The following TMEM44 variants were observed in gnomAD, a reference collection of about 807,000 sequenced individuals.
TMEM44 encodes the protein transmembrane protein 44.
TMEM44 carries 43 observed loss-of-function variants against 47.8 expected under a neutral mutation model. The observed-to-expected ratio is 0.90, with a 90% confidence interval of 0.70 to 1.16. TMEM44 has a LOEUF of 1.16. Among genes scored for constraint, TMEM44 ranks in the 50% most tolerant of loss-of-function variants. The pLI is 0.00. For missense variants in TMEM44, 568 were observed against 555.2 expected, an observed-to-expected ratio of 1.02 and a Z score of -0.23; for synonymous variants, 277 against 238.8, an observed-to-expected ratio of 1.16 and a Z score of -1.48.
At chr3:194,630,086 C>A (rs1405497177) in intron 1 of TMEM44, among the ~76,000 whole-genome samples, 7 of 105,746 alleles carry the variant, frequency 6.6e-5, no homozygotes, top group Non-Finnish European at 1.1e-4. Flanking sequence ...ACCTGCCTCC[C>A]GAAGGGGCTG....
At chr3:194,617,853 G>C (rs76423194) in intron 5 of TMEM44, 2 of 651,934 alleles carry the variant, frequency 3.1e-6, no homozygotes, top group African/African-American at 1.8e-5. Flanking sequence ...CTGTCCTCAC[G>C]ACAGTGAGTG....
chr3:194,629,544 T>C (rs931511500), intron 1 of TMEM44, among the ~76,000 whole-genome samples: 4 of 151,898 alleles, frequency 2.6e-5, no homozygotes, highest in Non-Finnish European at 4.4e-5. Flanking sequence ...TCTATCGGCG[T>C]CACTGATAGG....
intron 6 of TMEM44, 40 bp downstream of exon 6, chr3:194,617,059 T>G: frequency 6.9e-7 from 1 of 1,450,080 alleles, no homozygotes; most frequent in Non-Finnish European, 9.1e-7. Flanking sequence ...AGGCCTCCTC[T>G]GGCTGCAAGC....
chr3:194,595,629 T>TAA (rs60023102), intron 9 of TMEM44, among the ~76,000 whole-genome samples: 46 of 145,522 alleles, frequency 3.2e-4, no homozygotes, highest in African/African-American at 1.1e-3. Context: ...ATTCTCTATT[T>TAA]TTTTTTTTTT....
Position 194,623,583 on chromosome 3 carries a change from C to T in TMEM44, c.471G>A (p.Lys157=), listed in dbSNP as rs921167385. The T allele has an allele frequency of 1.2e-6, 2 of 1,611,256 alleles. No homozygotes were observed. Among genetic ancestry groups the T allele is most frequent in the African/African-American group, 1.3e-5 (1 of 75,042 alleles). ...GTGGCCCCCGGATGGTGGCTGAAGC[C>T]TTCGGGACAGCAACCCACAGAGCCC... ...PCWALWVAVP[K]ASATIRGPQR... The change falls in exon 4 of 10, where the codon AAG becomes AAA. Residue 157 remains lysine (K), a synonymous_variant. Transcript: ENST00000347147.
chr3:194,595,048 G>A (rs995912274), intron 9 of TMEM44, among the ~76,000 whole-genome samples: 17 of 152,230 alleles, frequency 1.1e-4, no homozygotes, highest in African/African-American at 4.1e-4. Flanking sequence ...TGTTTCAAGA[G>A]CAAATGTGTT....
chr3:194,631,141 T>C (rs1004945769), intron 1 of TMEM44, among the ~76,000 whole-genome samples: 3 of 151,528 alleles, frequency 2.0e-5, no homozygotes, highest in African/African-American at 7.3e-5. Context: ...AAATACGTTG[T>C]CATACCTGCC....
intron 9 of TMEM44, among the ~76,000 whole-genome samples, chr3:194,598,981 G>A (rs1252171583): frequency 1.3e-5 from 2 of 152,228 alleles, no homozygotes; most frequent in Non-Finnish European, 2.9e-5. Context: ...GACAACGGGA[G>A]GTGGCTGAGG....
intron 1 of TMEM44, among the ~76,000 whole-genome samples, chr3:194,631,155 C>T (rs977029447): frequency 2.7e-5 from 4 of 148,592 alleles, no homozygotes; most frequent in Non-Finnish European, 5.9e-5. Flanking sequence ...ACCTGCCTCC[C>T]GAAGGGGCTG....
chr3:194,626,785 G>A (rs1705979), intron 2 of TMEM44, among the ~76,000 whole-genome samples: 118,318 of 149,094 alleles, frequency 0.79, 47,216 homozygotes, highest in East Asian at 0.97. Context: ...CTGGGTTCAC[G>A]CCATTCTCCT....
chr3:194,632,015 A>AAT (rs1717875208), intron 1 of TMEM44, among the ~76,000 whole-genome samples: 1 of 152,206 alleles, frequency 6.6e-6, no homozygotes, highest in Non-Finnish European at 1.5e-5. Context: ...TGATCTGAAC[A>AAT]GTTTAATCTC....
chr3:194,593,378 A>G (rs908232554), intron 9 of TMEM44, among the ~76,000 whole-genome samples: 1 of 152,198 alleles, frequency 6.6e-6, no homozygotes, highest in African/African-American at 2.4e-5. Flanking sequence ...TATTATTAGG[A>G]GGAGTAGCAG....
At chr3:194,593,807 A>G (rs1382873164) in intron 9 of TMEM44, among the ~76,000 whole-genome samples, 1 of 152,174 alleles carries the variant, frequency 6.6e-6, no homozygotes, top group Non-Finnish European at 1.5e-5. Flanking sequence ...TCATTAAAAA[A>G]AATCAATTAA....
intron 3 of TMEM44, 86 bp from the exon 4 acceptor site, chr3:194,623,781 C>A: frequency 6.4e-7 from 1 of 1,558,830 alleles, no homozygotes; most frequent in Non-Finnish European, 8.7e-7. Flanking sequence ...CTGGTGTCAG[C>A]TCCCCACATG....
intron 7 of TMEM44, among the ~76,000 whole-genome samples, chr3:194,613,269 C>CT (rs1715517974): frequency 6.6e-6 from 1 of 152,130 alleles, no homozygotes; most frequent in African/African-American, 2.4e-5. Context: ...CCTCCGCCTC[C>CT]TGGGTTCAAG....
At chr3:194,609,530 T>C (rs1295247852) in intron 8 of TMEM44, among the ~76,000 whole-genome samples, 1 of 152,048 alleles carries the variant, frequency 6.6e-6, no homozygotes. Flanking sequence ...ACTTAGCAGC[T>C]TGGAGGTCAT....
rs58679389 is a variant in TMEM44, at chr3:194,617,695, G to C, written c.613-426C>G. 0.11 allele frequency: 77,567 copies of C among 703,776 alleles called. 6,491 individuals carry two copies. Among genetic ancestry groups the C allele is most frequent in the East Asian group, 0.28 (10,381 of 37,226 alleles). 43.6% of individuals were successfully genotyped at this position (703,776 alleles called of 1,614,324 possible). On this transcript the variant is annotated intron_variant, in intron 5 of 9. Coordinates refer to ENST00000347147, the MANE Select transcript of TMEM44 (RefSeq NM_001011655.3). ...GCTCGCCAATGTCCGCTGGGAGAACGTGAGGGAGACTGGGATGGTTTGGAC... is the reference window on the plus strand; with the variant it reads ...GCTCGCCAATGTCCGCTGGGAGAACCTGAGGGAGACTGGGATGGTTTGGAC...
In TMEM44 at chr3:194,604,296, G is replaced by A. The variant is rs145047930; in HGVS notation, c.1167C>T (p.Ser389=). Residue 389 remains serine (S), a synonymous_variant, in exon 9 of 10, where the codon TCC becomes TCT. Transcript: ENST00000347147. The part of the protein sequence containing the change: ...GSSSEVSSIN[S]DLEWDPEDVN... ...GGCAACAGCCGTGTACCTCCAGGTC[G>A]GAGTTGATGGAGGAGACCTCAGAGG... The A allele has an allele frequency of 2.8e-5, 45 of 1,579,334 alleles. 1 individual carries two copies. Among genetic ancestry groups the A allele is most frequent in the Admixed American group, 7.3e-5 (4 of 54,792 alleles).
chr3:194,591,213 C>T (rs1441950470), intron 9 of TMEM44, among the ~76,000 whole-genome samples: 2 of 151,458 alleles, frequency 1.3e-5, no homozygotes, highest in Non-Finnish European at 2.9e-5. Flanking sequence ...AATAAATAGG[C>T]TGGGTGTGGT....
Sources: gnomAD v4.1 joint callset for allele counts (sites outside exome capture counted in the v4.1 genomes callset) on GRCh38, gnomAD v4.1.1 for gene constraint, MANE v1.5 for transcripts, NCBI Gene and HGNC (gene_info 2026-07-23, HGNC 2026-07-21) for gene names.